Variants in SRPK2 observed in about 807,000 individuals in gnomAD.
The protein encoded by SRPK2 is SFRS protein kinase 2.
In SRPK2, 21 loss-of-function variants were observed where a neutral mutation model predicts 90.8. The observed-to-expected ratio is 0.23, with a 90% CI of 0.16 to 0.33. SRPK2 has a LOEUF of 0.33. Ranked by LOEUF, SRPK2 falls within the 10% of genes least tolerant of loss-of-function variation. The probability of loss-of-function intolerance (pLI) is 1.00; values close to 1 mark genes in which losing one functional copy is unlikely to be tolerated. For synonymous variants in SRPK2, 288 were observed against 311.1 expected (o/e 0.93, Z 0.78); for missense variants, 620 against 869.0 (o/e 0.71, Z 3.60).
At chr7:105,242,706 CTGAAA>C (rs1376593741) in intron 2 of SRPK2, among the ~76,000 whole-genome samples, 1 of 152,076 alleles carries the variant, frequency 6.6e-6, no homozygotes, top group Non-Finnish European at 1.5e-5. Flanking sequence ...TCTTGCCAAC[CTGAAA>C]TGAATCACCT....
At chr7:105,181,281 G>C (rs958237023) in intron 3 of SRPK2, among the ~76,000 whole-genome samples, 1 of 152,218 alleles carries the variant, frequency 6.6e-6, no homozygotes, top group African/African-American at 2.4e-5. Context: ...GTGTAAATTA[G>C]TTCAGCCATT....
chr7:105,388,212 G>C (rs545851430), intron 2 of SRPK2, among the ~76,000 whole-genome samples: 9 of 152,040 alleles, frequency 5.9e-5, no homozygotes, highest in African/African-American at 1.2e-4. Context: ...CCGCCTCCTC[G>C]GCCCGCGGCT....
At chr7:105,238,818 A>G (rs1800449437) in intron 2 of SRPK2, among the ~76,000 whole-genome samples, 1 of 152,218 alleles carries the variant, frequency 6.6e-6, no homozygotes. Context: ...CACAATGAAG[A>G]AAGTAACATC....
intron 2 of SRPK2, chr7:105,297,591 A>G (rs1288803357): frequency 1.5e-6 from 1 of 649,288 alleles, no homozygotes; most frequent in African/African-American, 2.0e-5. Context: ...TCCACGCTAC[A>G]ATTACCTAAA....
intron 2 of SRPK2, among the ~76,000 whole-genome samples, chr7:105,322,570 T>A (rs573635593): frequency 6.6e-6 from 1 of 150,726 alleles, no homozygotes; most frequent in Admixed American, 6.6e-5. Flanking sequence ...CTCCCAGGAG[T>A]TGGGGGAGGG....
At chr7:105,196,246 C>T (rs1794899906) in intron 3 of SRPK2, among the ~76,000 whole-genome samples, 1 of 152,046 alleles carries the variant, frequency 6.6e-6, no homozygotes, top group Non-Finnish European at 1.5e-5. Context: ...CCAAATTAAG[C>T]CAACTAATAA....
intron 13 of SRPK2, among the ~76,000 whole-genome samples, chr7:105,130,036 T>TTA (rs1421582641): frequency 2.0e-5 from 3 of 152,146 alleles, no homozygotes. Flanking sequence ...AAGTTTCAGA[T>TTA]TATATGTACT....
At chr7:105,197,011 C>T (rs1795000497) in intron 3 of SRPK2, among the ~76,000 whole-genome samples, 1 of 152,030 alleles carries the variant, frequency 6.6e-6, no homozygotes, top group South Asian at 2.1e-4. Context: ...TGCAGCATTG[C>T]ACTCCAGCCT....
rs145442171 is a variant in SRPK2 at position 105,322,876 on chromosome 7, C to G, written c.71+65772G>C. ...CTCTAAAGCCTCCCTGGCTCACAGC[C>G]TGGGTGCAGCTGGAGACAAAACACA... On this transcript the variant is annotated intron_variant, in intron 2 of 15. Transcript: ENST00000393651. Among the ~76,000 whole-genome samples the G allele has an allele frequency of 7.9e-5, 12 of 152,326 alleles. No homozygotes were observed. The East Asian group carries it at 2.3e-3, about 29-fold the overall frequency.
At chr7:105,318,823 T>A (rs1812591484) in intron 2 of SRPK2, among the ~76,000 whole-genome samples, 1 of 152,266 alleles carries the variant, frequency 6.6e-6, no homozygotes, top group African/African-American at 2.4e-5. Context: ...TTTGGTCTAT[T>A]CCACTAGACA....
intron 9 of SRPK2, among the ~76,000 whole-genome samples, chr7:105,144,302 G>A (rs535198734): frequency 4.6e-5 from 7 of 150,878 alleles, no homozygotes; most frequent in Non-Finnish European, 5.9e-5. Flanking sequence ...GTGCAGTGGC[G>A]TGATCTCAGC....
At chr7:105,122,847 C>G (rs1260764341) in intron 15 of SRPK2, among the ~76,000 whole-genome samples, 1 of 152,012 alleles carries the variant, frequency 6.6e-6, no homozygotes, top group Non-Finnish European at 1.5e-5. Flanking sequence ...TCTCTTTTAT[C>G]CCAACACACT....
chr7:105,275,432 TC>T (rs11363219), intron 2 of SRPK2, among the ~76,000 whole-genome samples: 124,375 of 152,042 alleles, frequency 0.82, 51,549 homozygotes, highest in Non-Finnish European at 0.87. Context: ...CACTGTGATT[TC>T]CCCCATTCAT....
At chr7:105,284,998 A>G (rs1807867007) in intron 2 of SRPK2, among the ~76,000 whole-genome samples, 1 of 152,198 alleles carries the variant, frequency 6.6e-6, no homozygotes, top group South Asian at 2.1e-4. Flanking sequence ...GCTTTGTTAT[A>G]ATAAAGTTAC....
intron 2 of SRPK2, among the ~76,000 whole-genome samples, chr7:105,274,131 C>G (rs1383310772): frequency 6.6e-6 from 1 of 152,194 alleles, no homozygotes; most frequent in African/African-American, 2.4e-5. Context: ...ATAGGCTGTT[C>G]TTTTGGATAA....
At chr7:105,398,868 G>A (rs558616537) in intron 1 of SRPK2, among the ~76,000 whole-genome samples, 1 of 152,208 alleles carries the variant, frequency 6.6e-6, no homozygotes, top group East Asian at 1.9e-4. Flanking sequence ...TGCCTTAACT[G>A]CCTGATCTGC....
intron 2 of SRPK2, among the ~76,000 whole-genome samples, chr7:105,228,719 A>C (rs1317219281): frequency 1.3e-5 from 2 of 152,186 alleles, no homozygotes. Flanking sequence ...TGCTGTCTGC[A>C]GACAGCAGAA....
intron 2 of SRPK2, among the ~76,000 whole-genome samples, chr7:105,360,785 G>A (rs1006787720): frequency 2.6e-5 from 4 of 152,098 alleles, no homozygotes; most frequent in Admixed American, 6.6e-5. Context: ...AGGCCTTCAT[G>A]CTAAAAACTC....
chr7:105,269,089 A>AAGT (rs1373713174), intron 2 of SRPK2: 1 of 1,188,976 alleles, frequency 8.4e-7, no homozygotes, highest in African/African-American at 1.5e-5. Flanking sequence ...TGAAAGCAGG[A>AAGT]AGTACCATTT....
Sources: gnomAD v4.1 joint callset for allele counts (sites outside exome capture counted in the v4.1 genomes callset) on GRCh38, gnomAD v4.1.1 for gene constraint, MANE v1.5 for transcripts, NCBI Gene and HGNC (gene_info 2026-07-23, HGNC 2026-07-21) for gene names.